The following PLSCR4 variants were observed in gnomAD, a reference collection of about 807,000 sequenced individuals.
The protein encoded by PLSCR4 is Ca(2+)-dependent phospholipid scramblase 4.
Under a neutral mutation model 36.3 loss-of-function variants are expected in PLSCR4, and 25 were observed. That is an observed-to-expected ratio of 0.69 (90% CI 0.50 to 0.96). PLSCR4 has a LOEUF of 0.96. Ranked by LOEUF, PLSCR4 falls within the 40% of genes least tolerant of loss-of-function variation. The pLI, the probability that PLSCR4 is intolerant of heterozygous loss-of-function variation, is 0.00. For missense variants in PLSCR4, 408 were observed against 414.7 expected (o/e 0.98, Z 0.14); for synonymous variants, 122 against 132.9 (o/e 0.92, Z 0.56).
intron 3 of PLSCR4, among the ~76,000 whole-genome samples, chr3:146,219,932 C>T (rs2035062010): frequency 6.6e-6 from 1 of 151,958 alleles, no homozygotes; most frequent in Non-Finnish European, 1.5e-5. Flanking sequence ...AAGACTGAAA[C>T]TCCATCTCAA....
At position 146,195,116 on chromosome 3, in the gene PLSCR4, A is replaced by T; in HGVS notation, c.945+8T>A. 1 of 1,612,412 alleles carries T rather than the reference A, an allele frequency of 6.2e-7. No homozygotes were observed. Among genetic ancestry groups the T allele is most frequent in the Non-Finnish European group, 8.5e-7 (1 of 1,178,782 alleles). On this transcript the variant is annotated splice_region_variant and intron_variant, in intron 8 of 8. Transcript: ENST00000354952. ...TCTCTCAGGATAACTCAAAAATAGA[A>T]GGCTTACAATGAGGAAGCAAGCTCC...
At chr3:146,196,174 C>T (rs142006442) in intron 7 of PLSCR4, among the ~76,000 whole-genome samples, 282 of 151,998 alleles carry the variant, frequency 1.9e-3, no homozygotes, top group African/African-American at 6.4e-3. Flanking sequence ...TAGTGTTATC[C>T]GATTTCTTGA....
chr3:146,231,517 C>T (rs1209905282), intron 1 of PLSCR4, among the ~76,000 whole-genome samples: 3 of 152,158 alleles, frequency 2.0e-5, no homozygotes, highest in Non-Finnish European at 2.9e-5. Flanking sequence ...ACTTCACCAA[C>T]ATCTATTATT....
Position 146,198,752 on chromosome 3 carries a change from G to A in PLSCR4, c.624+1061C>T, listed in dbSNP as rs372987585. ...TTTATTCTGGCTTCCTATAATTTCA[G>A]AAGGCTGTATCTATAGGCTTTGATT... On this transcript the variant is annotated intron_variant, in intron 6 of 8. Coordinates refer to ENST00000354952, the MANE Select transcript of PLSCR4 (RefSeq NM_020353.3). Among the ~76,000 whole-genome samples, 57 of 151,978 alleles carry A rather than the reference G, an allele frequency of 3.8e-4. 5 individuals carry two copies. The South Asian group carries it at 8.9e-3, about 24-fold the overall frequency.
chr3:146,201,701 G>A (rs1175897233), intron 4 of PLSCR4, among the ~76,000 whole-genome samples: 2 of 152,088 alleles, frequency 1.3e-5, no homozygotes, highest in Non-Finnish European at 2.9e-5. Flanking sequence ...CATGTGAACA[G>A]GATTAGGGGA....
At chr3:146,248,865 C>T (rs2036443434) in intron 1 of PLSCR4, among the ~76,000 whole-genome samples, 1 of 152,136 alleles carries the variant, frequency 6.6e-6, no homozygotes, top group African/African-American at 2.4e-5. Context: ...ATTATATTTT[C>T]CTCACTGCAT....
At chr3:146,250,039 A>G (rs577648600) in intron 1 of PLSCR4, among the ~76,000 whole-genome samples, 1 of 152,334 alleles carries the variant, frequency 6.6e-6, no homozygotes, top group South Asian at 2.1e-4. Flanking sequence ...ACATTAAGGT[A>G]TACACTCACA....
chr3:146,243,387 G>T (rs78768142), intron 1 of PLSCR4, among the ~76,000 whole-genome samples: 2,558 of 152,178 alleles, frequency 0.017, 78 homozygotes, highest in African/African-American at 0.058. Context: ...CAAAAACTGT[G>T]TTGTCATTTA....
chr3:146,229,871 G>A (rs1015774962), intron 1 of PLSCR4, among the ~76,000 whole-genome samples: 10 of 151,990 alleles, frequency 6.6e-5, no homozygotes, highest in South Asian at 4.2e-4. Flanking sequence ...TGATCCACCC[G>A]CCTCAGCCTC....
chr3:146,218,694 A>T (rs2035002254), intron 3 of PLSCR4, among the ~76,000 whole-genome samples: 1 of 152,118 alleles, frequency 6.6e-6, no homozygotes, highest in African/African-American at 2.4e-5. Flanking sequence ...AGCAAAACAA[A>T]ACAAAATATG....
At chr3:146,219,715 G>A (rs527878190) in intron 3 of PLSCR4, among the ~76,000 whole-genome samples, 2 of 152,156 alleles carry the variant, frequency 1.3e-5, no homozygotes, top group African/African-American at 2.4e-5. Flanking sequence ...TCGGGACTTC[G>A]AGACCAGCCT....
chr3:146,246,909 T>C (rs1299467767), intron 1 of PLSCR4, among the ~76,000 whole-genome samples: 2 of 152,138 alleles, frequency 1.3e-5, no homozygotes, highest in Non-Finnish European at 2.9e-5. Context: ...TCCCACCTAC[T>C]CCAATTCCCA....
intron 3 of PLSCR4, among the ~76,000 whole-genome samples, chr3:146,217,442 G>A (rs953164491): frequency 2.6e-5 from 4 of 152,218 alleles, no homozygotes; most frequent in Non-Finnish European, 4.4e-5. Flanking sequence ...AAGATAGGAT[G>A]AAGATTATGA....
intron 4 of PLSCR4, among the ~76,000 whole-genome samples, chr3:146,201,953 C>T (rs893388616): frequency 2.0e-5 from 3 of 151,996 alleles, no homozygotes; most frequent in African/African-American, 7.2e-5. Flanking sequence ...GCCCAGAACA[C>T]TGCCTGAAGT....
intron 3 of PLSCR4, among the ~76,000 whole-genome samples, chr3:146,209,490 T>G (rs1221326171): frequency 6.6e-6 from 1 of 152,040 alleles, no homozygotes; most frequent in African/African-American, 2.4e-5. Context: ...ACTTTAGGAA[T>G]TTTTTTATCA....
intron 2 of PLSCR4, among the ~76,000 whole-genome samples, chr3:146,221,197 G>A (rs1379776576): frequency 6.6e-6 from 1 of 152,120 alleles, no homozygotes; most frequent in African/African-American, 2.4e-5. Flanking sequence ...TGGTTCAACT[G>A]CCCCGATGCT....
intron 1 of PLSCR4, among the ~76,000 whole-genome samples, chr3:146,248,659 C>T (rs984709731): frequency 6.6e-6 from 1 of 152,156 alleles, no homozygotes; most frequent in African/African-American, 2.4e-5. Flanking sequence ...CAATCAATGG[C>T]TACAGAGCTG....
chr3:146,225,692 G>GC (rs2035435550), intron 1 of PLSCR4, among the ~76,000 whole-genome samples: 1 of 152,212 alleles, frequency 6.6e-6, no homozygotes, highest in African/African-American at 2.4e-5. Context: ...GTCCCTCATT[G>GC]CCCGGGGCCA....
At chr3:146,196,884 CTCAT>C in intron 6 of PLSCR4, 91 bp from the exon 7 acceptor site, 1 of 1,091,566 alleles carries the variant, frequency 9.2e-7, no homozygotes, top group South Asian at 1.5e-5. Context: ...TGTGTCCTCA[CTCAT>C]TCAAAGACTA....
Sources: allele counts gnomAD v4.1 joint callset (sites outside exome capture counted in the v4.1 genomes callset), GRCh38; gene constraint gnomAD v4.1.1; transcripts MANE v1.5; gene names NCBI Gene and HGNC (gene_info 2026-07-23, HGNC 2026-07-21).